CHAMP1: variants seen among roughly 807,000 people sequenced by gnomAD.
CHAMP1 encodes the protein chromosome alignment maintaining phosphoprotein 1.
A neutral mutation model predicts 54.5 loss-of-function variants in CHAMP1; 4 were observed. The observed-to-expected ratio is 0.07, with a 90% confidence interval of 0.04 to 0.17. CHAMP1 has a LOEUF of 0.17. Ranked by LOEUF, CHAMP1 falls within the 10% of genes least tolerant of loss-of-function variation. CHAMP1 has a pLI of 1.00. For missense variants in CHAMP1, 994 were observed against 968.6 expected (o/e 1.03, Z -0.35); for synonymous variants, 368 against 342.2 (o/e 1.08, Z -0.83).
At chr13:114,314,667 GA>G (rs1272328071) in intron 1 of CHAMP1, 24 bp downstream of exon 1, 4 of 152,184 alleles carry the variant, frequency 2.6e-5, no homozygotes, top group African/African-American at 9.7e-5. Flanking sequence ...GCGAGCGGGG[GA>G]GGGGCGTGGT....
intron 2 of CHAMP1, among the ~76,000 whole-genome samples, 172 bp downstream of exon 2, chr13:114,321,404 G>A (rs1555379127): frequency 1.3e-5 from 2 of 152,152 alleles, no homozygotes; most frequent in Non-Finnish European, 2.9e-5. Flanking sequence ...GAATTCTGTA[G>A]CATTCTTTGT....
At position 114,325,199 on chromosome 13, in the gene CHAMP1, C is replaced by T. The variant is rs782448533; in HGVS notation, c.1357C>T (p.Pro453Ser). ...GTCACCAGATCTTTGGAAGCTTTCT[C>T]CTGATCAGCGGAAAACTTCTCCTGC... ...SGSPDLWKLSPDQRKTSPASL... is the reference protein window; with the variant it reads ...SGSPDLWKLSSDQRKTSPASL... Residue 453 changes from proline to serine, a missense_variant, in exon 3 of 3, where the codon CCT becomes TCT. Pro to Ser is a moderately conservative substitution (Grantham distance 74). Transcript: ENST00000361283. The T allele has an allele frequency of 3.1e-6, 5 of 1,614,176 alleles. No individual in the cohort carries two copies. The Admixed American group carries it at 6.7e-5, about 22-fold the overall frequency.
At chr13:114,320,647 G>A (rs930409231) in intron 1 of CHAMP1, among the ~76,000 whole-genome samples, 2 of 151,986 alleles carry the variant, frequency 1.3e-5, no homozygotes, top group Admixed American at 1.3e-4. Context: ...TGTAGTCTTT[G>A]GTGTCATTTC....
chr13:114,316,641 TAATA>T (rs1448671971), intron 1 of CHAMP1, among the ~76,000 whole-genome samples: 2 of 152,072 alleles, frequency 1.3e-5, no homozygotes, highest in African/African-American at 4.8e-5. Flanking sequence ...ATAGACTACT[TAATA>T]AATCAGTATT....
rs1213649075 is a variant in CHAMP1, at chr13:114,325,129, G to T, written c.1287G>T (p.Glu429Asp). ...LRKPGPPLSPEIRSPAGSPEL... is the reference protein window; with the variant it reads ...LRKPGPPLSPDIRSPAGSPEL... The stretch of plus-strand genomic sequence containing the variant: ...AACCCGGCCCACCACTATCCCCAGA[G>T]ATCCGTAGTCCAGCAGGATCTCCAG... Residue 429 changes from glutamate to aspartate, a missense_variant, in exon 3 of 3, where the codon GAG (glutamate) becomes GAT (aspartate). This residue lies in a region of CHAMP1 where 851 missense variants were observed against 701.3 expected (regional missense o/e 1.21). Coordinates refer to ENST00000361283, the MANE Select transcript of CHAMP1 (RefSeq NM_032436.4). 3 of 1,614,006 alleles carry T rather than the reference G, an allele frequency of 1.9e-6. No individual in the cohort carries two copies. The highest frequency in any genetic ancestry group is 1.6e-4 in the Middle Eastern group (1 of 6,082).
At chr13:114,323,690 C>G in intron 2 of CHAMP1, 98 bp from the exon 3 acceptor site, 1 of 974,060 alleles carries the variant, frequency 1.0e-6, no homozygotes, top group African/African-American at 1.7e-5. Context: ...AAAGCACGCA[C>G]TGTTCTAGAC....
In CHAMP1 at chr13:114,324,658, G is replaced by T. The variant is rs1555379559; in HGVS notation, c.816G>T (p.Arg272=). ...AASPESRKSA[R]TTSPEPRKPS... The stretch of plus-strand genomic sequence containing the variant: ...CTCCAGAATCTCGGAAGTCAGCCCG[G>T]ACTACCTCCCCTGAGCCAAGGAAGC... Residue 272 remains arginine, a synonymous_variant, in exon 3 of 3, where the codon CGG becomes CGT. Coordinates refer to ENST00000361283, the MANE Select transcript of CHAMP1 (RefSeq NM_032436.4). 6.2e-7 allele frequency: 1 copy of T among 1,613,898 alleles called. No individual in the cohort carries two copies. Among genetic ancestry groups the T allele is most frequent in the Admixed American group, 1.7e-5 (1 of 60,004 alleles).
rs144334556 is a variant in CHAMP1, at chr13:114,325,120, A to C, written c.1278A>C (p.Leu426=). 4 of 1,613,920 alleles carry C rather than the reference A, an allele frequency of 2.5e-6. No individual in the cohort carries two copies. Among genetic ancestry groups the C allele is most frequent in the African/African-American group, 2.7e-5 (2 of 74,876 alleles). ...SPELRKPGPP[L]SPEIRSPAGS... ...AGCTTCGCAAACCCGGCCCACCACT[A>C]TCCCCAGAGATCCGTAGTCCAGCAG... is the stretch of plus-strand genomic sequence containing the variant. The change falls in exon 3 of 3, where the codon CTA becomes CTC. Residue 426 remains leucine, a synonymous_variant. Coordinates refer to ENST00000361283, the MANE Select transcript of CHAMP1 (RefSeq NM_032436.4).
In CHAMP1 at chr13:114,326,856, A is replaced by T. The variant is rs1555380082; in HGVS notation, c.*575A>T. ...GATTTTCTGCTAATGGGAAAAATTG[A>T]CTAAGTCTTTAAAATAGTTTGCAGC... On this transcript the variant is annotated 3_prime_UTR_variant, in exon 3 of 3. Coordinates refer to ENST00000361283, the MANE Select transcript of CHAMP1 (RefSeq NM_032436.4). The T allele has an allele frequency of 1.2e-5, 2 of 167,050 alleles. No individual in the cohort carries two copies. Among genetic ancestry groups the T allele is most frequent in the African/African-American group, 4.8e-5 (2 of 41,466 alleles). The allele number at this position is 167,050 out of a possible 1,614,324, so 10.3% of individuals were successfully genotyped here. A position where few individuals can be genotyped will look rare whatever the true frequency, so the allele number is the denominator to read the frequency against.
intron 1 of CHAMP1, among the ~76,000 whole-genome samples, chr13:114,317,018 C>G (rs190859050): frequency 4.9e-4 from 75 of 152,022 alleles, no homozygotes; most frequent in African/African-American, 1.7e-3. Flanking sequence ...TAATTTCTTT[C>G]TTTTTTGGGT....
At position 114,327,160 on chromosome 13, in the gene CHAMP1, A is replaced by G. The variant is rs1335131551; in HGVS notation, c.*879A>G. On this transcript the variant is annotated 3_prime_UTR_variant, in exon 3 of 3. Coordinates refer to ENST00000361283, the MANE Select transcript of CHAMP1 (RefSeq NM_032436.4). ...TAGGAACTGAAAGTCTTCCAGATTC[A>G]CAGTAGAAAATTTTATAGACATTTC... The G allele has an allele frequency of 6.0e-6, 1 of 167,076 alleles. No individual in the cohort carries two copies. Among genetic ancestry groups the G allele is most frequent in the Non-Finnish European group, 1.5e-5 (1 of 68,126 alleles). The allele number at this position is 167,076 out of a possible 1,614,324, so 10.3% of individuals were successfully genotyped here.
chr13:114,323,801 T>G lies in CHAMP1; in HGVS notation c.-42T>G, dbSNP rs1316093519. 1 of 1,532,318 alleles carries G rather than the reference T, an allele frequency of 6.5e-7. No homozygotes were observed. Among genetic ancestry groups the G allele is most frequent in the African/African-American group, 1.4e-5 (1 of 71,838 alleles). The allele number at this position is 1,532,318 out of a possible 1,614,324, so 94.9% of individuals were successfully genotyped here. Reference sequence around the variant, plus strand: ...ACTTTATTGCAGCAGTATTGAAAGTTTTTAAAGAATATAACCGTGTGTGTT... The same window carrying G: ...ACTTTATTGCAGCAGTATTGAAAGTGTTTAAAGAATATAACCGTGTGTGTT... On this transcript the variant is annotated 5_prime_UTR_variant, in exon 3 of 3. Coordinates refer to ENST00000361283, the MANE Select transcript of CHAMP1 (RefSeq NM_032436.4).
chr13:114,325,745 G>A lies in CHAMP1; in HGVS notation c.1903G>A (p.Glu635Lys). The A allele has an allele frequency of 1.2e-6, 2 of 1,614,192 alleles. No homozygotes were observed. Among genetic ancestry groups the A allele is most frequent in the Non-Finnish European group, 1.7e-6 (2 of 1,180,044 alleles). ...CTCAGACGCTGAGCTTAGTAGTAGT[G>A]AGTACATAAAAACAGATTTGGATGC... ...ESSDAELSSSEYIKTDLDAMD... is the reference protein window; with the variant it reads ...ESSDAELSSSKYIKTDLDAMD... Residue 635 changes from glutamate (E) to lysine (K), a missense_variant, in exon 3 of 3, where the codon GAG (glutamate) becomes AAG (lysine). Coordinates refer to ENST00000361283, the MANE Select transcript of CHAMP1 (RefSeq NM_032436.4).
chr13:114,323,678 A>G, intron 2 of CHAMP1, 110 bp from the exon 3 acceptor site: 1 of 861,782 alleles, frequency 1.2e-6, no homozygotes, highest in Non-Finnish European at 1.7e-6. Flanking sequence ...ATACTATCAA[A>G]TAAAGCACGC....
Position 114,325,075 on chromosome 13 carries a change from A to G in CHAMP1, c.1233A>G (p.Ala411=). 3 of 1,614,132 alleles carry G rather than the reference A, an allele frequency of 1.9e-6. No homozygotes were observed. Among genetic ancestry groups the G allele is most frequent in the African/African-American group, 1.3e-5 (1 of 75,006 alleles). Residue 411 remains alanine, a synonymous_variant, in exon 3 of 3, where the codon GCA becomes GCG. Coordinates refer to ENST00000361283, the MANE Select transcript of CHAMP1 (RefSeq NM_032436.4). ...APTLSPEHWK[A]VPPVSPELRK... ...CGTTGTCTCCTGAACATTGGAAGGC[A>G]GTTCCCCCAGTGTCTCCAGAGCTTC... is the stretch of plus-strand genomic sequence containing the variant.
At position 114,326,211 on chromosome 13, in the gene CHAMP1, G is replaced by A. The variant is rs782073505; in HGVS notation, c.2369G>A (p.Arg790Gln). Reference protein sequence around the residue: ...FKKHLTHCQSRHNEEANKKLM... With the variant: ...FKKHLTHCQSQHNEEANKKLM... ...AAACATTTAACTCATTGTCAAAGCC[G>A]GCATAATGAAGAGGCAAATAAAAAG... Residue 790 changes from arginine (R) to glutamine (Q), a missense_variant, in exon 3 of 3, where the codon CGG (arginine) becomes CAG (glutamine). Physicochemically the swap from Arg to Gln is conservative, Grantham distance 43 (BLOSUM62 1). Coordinates refer to ENST00000361283, the MANE Select transcript of CHAMP1 (RefSeq NM_032436.4). 2 of 1,601,180 alleles carry A rather than the reference G, an allele frequency of 1.2e-6. No homozygotes were observed. The highest frequency in any genetic ancestry group is 1.7e-5 in the Admixed American group (1 of 57,412).
At position 114,314,605 on chromosome 13, in the gene CHAMP1, C is replaced by A. The variant is rs1157488189; in HGVS notation, c.-217C>A. 1.3e-5 allele frequency: 2 copies of A among 151,810 alleles called. No homozygotes were observed. The highest frequency in any genetic ancestry group is 2.9e-5 in the Non-Finnish European group (2 of 67,920). 9.4% of individuals were successfully genotyped at this position (151,810 alleles called of 1,614,324 possible). On this transcript the variant is annotated 5_prime_UTR_variant, in exon 1 of 3. Transcript: ENST00000361283. ...GCGACCGCGAGCCGGGCCCTCCGCG[C>A]GGTCCATCGCCCACTGGACGCCGCC... is the stretch of plus-strand genomic sequence containing the variant.
rs2087226821 is a variant in CHAMP1, at chr13:114,325,066, T to C, written c.1224T>C (p.His408=). The change falls in exon 3 of 3, where the codon CAT becomes CAC. Residue 408 remains histidine, a synonymous_variant. Coordinates refer to ENST00000361283, the MANE Select transcript of CHAMP1 (RefSeq NM_032436.4). ...CAGCTCCCACGTTGTCTCCTGAACA[T>C]TGGAAGGCAGTTCCCCCAGTGTCTC... The part of the protein sequence containing the change: ...RKTAPTLSPE[H]WKAVPPVSPE... 1 of 1,614,040 alleles carries C rather than the reference T, an allele frequency of 6.2e-7. No individual in the cohort carries two copies. Among genetic ancestry groups the C allele is most frequent in the Non-Finnish European group, 8.5e-7 (1 of 1,180,010 alleles).
At chr13:114,319,611 G>A (rs572294876) in intron 1 of CHAMP1, among the ~76,000 whole-genome samples, 12 of 152,154 alleles carry the variant, frequency 7.9e-5, no homozygotes, top group Non-Finnish European at 1.6e-4. Flanking sequence ...AAAAAAGAGC[G>A]TTTACAGAAT....
Sources: gnomAD v4.1 joint callset for allele counts (sites outside exome capture counted in the v4.1 genomes callset) on GRCh38, gnomAD v4.1.1 for gene constraint, gnomAD v4.1.1 regional missense constraint, MANE v1.5 for transcripts, NCBI Gene and HGNC (gene_info 2026-07-23, HGNC 2026-07-21) for gene names.